Variants in ATP1A2 observed in about 807,000 individuals in gnomAD.
ATP1A2 encodes sodium/potassium-transporting ATPase subunit alpha-2.
A neutral mutation model predicts 113.1 loss-of-function variants in ATP1A2; 56 were observed. The ratio of observed to expected loss-of-function variants is 0.49; its 90% CI spans 0.40 to 0.62. ATP1A2 has a LOEUF of 0.62. Ranked by LOEUF, ATP1A2 falls within the 20% of genes least tolerant of loss-of-function variation. The pLI, the probability that ATP1A2 is intolerant of heterozygous loss-of-function variation, is 0.00. For missense variants in ATP1A2, 712 were observed against 1,357.8 expected, an observed-to-expected ratio of 0.52 and a Z score of 7.47; for synonymous variants, 490 against 526.8, an observed-to-expected ratio of 0.93 and a Z score of 0.96.
chr1:160,117,998 G>A (rs1046303155), intron 1 of ATP1A2, among the ~76,000 whole-genome samples: 3 of 152,100 alleles, frequency 2.0e-5, no homozygotes, highest in Non-Finnish European at 4.4e-5. Flanking sequence ...TTTCTTTCTT[G>A]CCTGGGCAGC....
At chr1:160,136,120 G>A in intron 17 of ATP1A2, 127 bp downstream of exon 17, 1 of 1,599,548 alleles carries the variant, frequency 6.3e-7, no homozygotes, top group South Asian at 1.1e-5. Flanking sequence ...AGGCCTGGAA[G>A]ACAATGGGGT....
chr1:160,121,055 G>A (rs1199088551), intron 2 of ATP1A2, 45 bp downstream of exon 2: 2 of 1,608,556 alleles, frequency 1.2e-6, no homozygotes, highest in Admixed American at 1.7e-5. Flanking sequence ...CATGCTGGGA[G>A]AGCTGTCCCT....
chr1:160,136,795 GC>G, intron 19 of ATP1A2, 80 bp downstream of exon 19: 4 of 1,613,978 alleles, frequency 2.5e-6, no homozygotes, highest in Non-Finnish European at 3.4e-6. Flanking sequence ...GCCAGTGGTG[GC>G]CAACTGGGAC....
At chr1:160,137,305 T>A (rs1005149242) in intron 20 of ATP1A2, 7 of 488,980 alleles carry the variant, frequency 1.4e-5, no homozygotes, top group Non-Finnish European at 2.2e-5. Context: ...GAGTGCCACC[T>A]GCTCCTATCC....
At chr1:160,117,466 C>T (rs890480610) in intron 1 of ATP1A2, among the ~76,000 whole-genome samples, 10 of 152,182 alleles carry the variant, frequency 6.6e-5, no homozygotes, top group Admixed American at 2.0e-4. Context: ...CCCCTAGCAC[C>T]CCCAAACTCC....
chr1:160,120,669 T>G lies in ATP1A2; in HGVS notation c.13-237T>G, dbSNP rs7532556. 0.016 allele frequency among the ~76,000 whole-genome samples: 2,367 copies of G among 152,300 alleles called. 62 individuals carry two copies. Among genetic ancestry groups the G allele is most frequent in the African/African-American group, 0.054 (2,237 of 41,542 alleles). On this transcript the variant is annotated intron_variant, in intron 1 of 22. Coordinates refer to ENST00000361216, the MANE Select transcript of ATP1A2 (RefSeq NM_000702.4). ...AAGCATTAAACCACTCAAGTGGTGC[T>G]TTTCAGTCCTGAGCCCCTCACCCTT... is the stretch of plus-strand genomic sequence containing the variant.
chr1:160,132,544 G>A (rs1351522294), intron 13 of ATP1A2, among the ~76,000 whole-genome samples: 2 of 152,194 alleles, frequency 1.3e-5, no homozygotes, highest in African/African-American at 4.8e-5. Context: ...TTGAGAACTT[G>A]GTGACCAAAC....
chr1:160,116,616 G>A (rs1171107173), intron 1 of ATP1A2, among the ~76,000 whole-genome samples: 3 of 152,172 alleles, frequency 2.0e-5, no homozygotes, highest in South Asian at 2.1e-4. Flanking sequence ...CAACAATGGG[G>A]CGGGCAGGGA....
chr1:160,125,625 T>C, intron 7 of ATP1A2: 2 of 267,124 alleles, frequency 7.5e-6, no homozygotes, highest in South Asian at 9.1e-5. Flanking sequence ...ATGCTTCTAT[T>C]CCTTGTGGTT....
At position 160,142,769 on chromosome 1, in the gene ATP1A2, C is replaced by T. The variant is rs569731274; in HGVS notation, c.*1447C>T. ...GCAGTGAGCTGAGATCGTGCCATTA[C>T]ACTCCAGCCTGGGCGAAAGGGTGAG... On this transcript the variant is annotated 3_prime_UTR_variant, in exon 23 of 23. Coordinates refer to ENST00000361216, the MANE Select transcript of ATP1A2 (RefSeq NM_000702.4). The T allele has an allele frequency of 6.6e-6, 1 of 151,618 alleles. No individual in the cohort carries two copies. The highest frequency in any genetic ancestry group is 1.5e-5 in the Non-Finnish European group (1 of 68,046). 9.4% of individuals were successfully genotyped at this position (151,618 alleles called of 1,614,324 possible).
At chr1:160,115,909 A>G (rs774258321) in intron 1 of ATP1A2, 36 bp downstream of exon 1, 79 of 1,596,154 alleles carry the variant, frequency 4.9e-5, no homozygotes, top group Non-Finnish European at 6.6e-5. Context: ...CGCAGTCTAG[A>G]GGGTGAGGGA....
intron 8 of ATP1A2, 185 bp from the exon 9 acceptor site, chr1:160,128,467 C>T (rs1316726844): frequency 6.6e-7 from 1 of 1,523,480 alleles, no homozygotes; most frequent in Non-Finnish European, 8.8e-7. Flanking sequence ...GGCATTTCAT[C>T]TTAACAGATA....
At chr1:160,129,475 CA>C in intron 11 of ATP1A2, 75 bp downstream of exon 11, 1 of 1,590,898 alleles carries the variant, frequency 6.3e-7, no homozygotes, top group Non-Finnish European at 8.5e-7. Flanking sequence ...CAAGGGGAAT[CA>C]TCACTAGCAG....
intron 20 of ATP1A2, 162 bp downstream of exon 20, chr1:160,137,193 G>C (rs550661120): frequency 4.2e-6 from 5 of 1,202,314 alleles, no homozygotes; most frequent in South Asian, 1.3e-5. Context: ...ATATAGAAGA[G>C]AGAAGCCATG....
chr1:160,123,331 C>G lies in ATP1A2; in HGVS notation c.296C>G (p.Ser99Cys). The G allele has an allele frequency of 6.2e-7, 1 of 1,614,252 alleles. No individual in the cohort carries two copies. The highest frequency in any genetic ancestry group is 1.1e-5 in the South Asian group (1 of 91,088). The change falls in exon 4 of 23, where the codon TCC becomes TGC. Residue 99 changes from serine (S) to cysteine (C), a missense_variant. By Grantham distance (112) the Ser-to-Cys change is moderately radical. This residue lies in a region of ATP1A2 where 109 missense variants were observed against 162.3 expected (regional missense o/e 0.67). Transcript: ENST00000361216. ...TGCCGTCAGCTTTTCGGGGGGTTCT[C>G]CATCCTGCTGTGGATTGGGGCTATC... ...KFCRQLFGGF[S>C]ILLWIGAILC...
At chr1:160,124,172 T>C (rs1651507603) in intron 5 of ATP1A2, 116 bp downstream of exon 5, 2 of 1,556,770 alleles carry the variant, frequency 1.3e-6, no homozygotes, top group Non-Finnish European at 8.7e-7. Flanking sequence ...ATCCTCCAGC[T>C]TTCCATGCCA....
chr1:160,116,107 C>G (rs1651169165), intron 1 of ATP1A2, among the ~76,000 whole-genome samples: 1 of 152,056 alleles, frequency 6.6e-6, no homozygotes, highest in Non-Finnish European at 1.5e-5. Flanking sequence ...ACAGTTAGAC[C>G]CACAGCCCAC....
chr1:160,123,129 T>G lies in ATP1A2; in HGVS notation c.178-84T>G. 4 of 1,507,768 alleles carry G rather than the reference T, an allele frequency of 2.7e-6. No individual in the cohort carries two copies. In the South Asian group the frequency reaches 4.5e-5, roughly 17 times the overall value. 93.4% of individuals were successfully genotyped at this position (1,507,768 alleles called of 1,614,324 possible). A position where few individuals can be genotyped will look rare whatever the true frequency, so the allele number is the denominator to read the frequency against. On this transcript the variant is annotated intron_variant, in intron 3 of 22. Coordinates refer to ENST00000361216, the MANE Select transcript of ATP1A2 (RefSeq NM_000702.4). ...ACTTTCCTTCTGGGCATTCTTCCCA[T>G]GCCCGGGAGCTGAAGGGATGGGCAT...
chr1:160,131,977 G>T (rs1025790992), intron 13 of ATP1A2, among the ~76,000 whole-genome samples: 1 of 152,222 alleles, frequency 6.6e-6, no homozygotes, highest in African/African-American at 2.4e-5. Context: ...TTGGCCAGGT[G>T]CCTCTCTCTG....
Sources: allele counts gnomAD v4.1 joint callset (sites outside exome capture counted in the v4.1 genomes callset), GRCh38; gene constraint gnomAD v4.1.1; regional missense constraint gnomAD v4.1.1; transcripts MANE v1.5; gene names NCBI Gene and HGNC (gene_info 2026-07-23, HGNC 2026-07-21).